Variants in KCNMB4 observed in about 807,000 individuals in gnomAD.
KCNMB4 encodes the protein potassium calcium-activated channel subfamily M regulatory beta subunit 4.
KCNMB4 carries 3 observed loss-of-function variants against 20.7 expected under a neutral mutation model. That is an observed-to-expected ratio of 0.14 (90% CI 0.07 to 0.37). The LOEUF (loss-of-function observed/expected upper bound fraction) is 0.37. KCNMB4 is among the 10% of genes least tolerant of loss of function. The probability of loss-of-function intolerance (pLI) is 1.00; values close to 1 mark genes in which losing one functional copy is unlikely to be tolerated. For synonymous variants in KCNMB4, 110 were observed against 113.4 expected (o/e 0.97, Z 0.19); for missense variants, 168 against 265.9 (o/e 0.63, Z 2.56).
intron 2 of KCNMB4, among the ~76,000 whole-genome samples, chr12:70,429,516 A>C (rs936436962): frequency 1.3e-5 from 2 of 151,946 alleles, no homozygotes; most frequent in Non-Finnish European, 2.9e-5. Context: ...AATACAAAAA[A>C]ATTAGCTGGA....
At chr12:70,370,107 G>C (rs573976997) in intron 1 of KCNMB4, among the ~76,000 whole-genome samples, 2 of 152,056 alleles carry the variant, frequency 1.3e-5, no homozygotes, top group African/African-American at 4.8e-5. Flanking sequence ...CTTGGGTGGG[G>C]CCTGGGCATT....
In KCNMB4 at chr12:70,432,661, G is replaced by C. The variant is rs961960498; in HGVS notation, c.*2008G>C. On this transcript the variant is annotated 3_prime_UTR_variant, in exon 3 of 3. Transcript: ENST00000258111. ...ACTATTTATGACATCTTTTGAGGCA[G>C]CTCCAGTGCCTTGACTTCAATCCCA... The C allele has an allele frequency of 6.6e-6, 1 of 152,214 alleles. No individual in the cohort carries two copies. Among genetic ancestry groups the C allele is most frequent in the African/African-American group, 2.4e-5 (1 of 41,454 alleles). 9.4% of individuals were successfully genotyped at this position (152,214 alleles called of 1,614,324 possible). A position where few individuals can be genotyped will look rare whatever the true frequency, so the allele number is the denominator to read the frequency against.
intron 2 of KCNMB4, among the ~76,000 whole-genome samples, chr12:70,405,362 A>T (rs1391385620): frequency 1.3e-5 from 2 of 152,250 alleles, no homozygotes; most frequent in East Asian, 3.8e-4. Flanking sequence ...ATAGACATCT[A>T]AATGGCTGAC....
intron 1 of KCNMB4, among the ~76,000 whole-genome samples, chr12:70,373,076 G>T (rs563928281): frequency 6.6e-6 from 1 of 152,184 alleles, no homozygotes; most frequent in African/African-American, 2.4e-5. Flanking sequence ...TGGGGGTAAG[G>T]CTGGAGAGTA....
At position 70,432,637 on chromosome 12, in the gene KCNMB4, C is replaced by T. The variant is rs1869399480; in HGVS notation, c.*1984C>T. 1 of 152,190 alleles carries T rather than the reference C, an allele frequency of 6.6e-6. No individual in the cohort carries two copies. Among genetic ancestry groups the T allele is most frequent in the Non-Finnish European group, 1.5e-5 (1 of 68,046 alleles). The allele number at this position is 152,190 out of a possible 1,614,324, so 9.4% of individuals were successfully genotyped here. On this transcript the variant is annotated 3_prime_UTR_variant, in exon 3 of 3. Coordinates refer to ENST00000258111, the MANE Select transcript of KCNMB4 (RefSeq NM_014505.6). ...CACTGTGAAAAAGGCCTTGAACACA[C>T]TATTTATGACATCTTTTGAGGCAGC...
At chr12:70,374,227 CTT>C (rs1027075297) in intron 1 of KCNMB4, among the ~76,000 whole-genome samples, 1 of 152,186 alleles carries the variant, frequency 6.6e-6, no homozygotes, top group African/African-American at 2.4e-5. Context: ...TGATCACAAA[CTT>C]GCCTCGTTAT....
intron 2 of KCNMB4, among the ~76,000 whole-genome samples, chr12:70,421,880 CT>C (rs34594277): frequency 0.25 from 33,549 of 136,736 alleles, 4,080 homozygotes; most frequent in East Asian, 0.39. Flanking sequence ...CATGCCTGGC[CT>C]TTTTTTTTTT....
At chr12:70,420,467 G>C (rs1461476790) in intron 2 of KCNMB4, among the ~76,000 whole-genome samples, 1 of 152,136 alleles carries the variant, frequency 6.6e-6, no homozygotes, top group Non-Finnish European at 1.5e-5. Context: ...AGATTAGAGT[G>C]ATGCCAGGGA....
Position 70,432,820 on chromosome 12 carries a change from A to G in KCNMB4, c.*2167A>G, listed in dbSNP as rs1279726676. The G allele has an allele frequency of 2.0e-5, 3 of 152,110 alleles. No individual in the cohort carries two copies. Among genetic ancestry groups the G allele is most frequent in the Non-Finnish European group, 4.4e-5 (3 of 68,028 alleles). The allele number at this position is 152,110 out of a possible 1,614,324, so 9.4% of individuals were successfully genotyped here. A position where few individuals can be genotyped will look rare whatever the true frequency, so the allele number is the denominator to read the frequency against. On this transcript the variant is annotated 3_prime_UTR_variant, in exon 3 of 3. Transcript: ENST00000258111. Reference sequence around the variant, plus strand: ...ATGGGAGACGAAGTCTGCTTTATCCATTTTATCTTTATTCAGTTGTCTATG... The same window carrying G: ...ATGGGAGACGAAGTCTGCTTTATCCGTTTTATCTTTATTCAGTTGTCTATG...
At chr12:70,374,946 G>A (rs906424551) in intron 1 of KCNMB4, among the ~76,000 whole-genome samples, 7 of 152,112 alleles carry the variant, frequency 4.6e-5, no homozygotes, top group Non-Finnish European at 1.0e-4. Flanking sequence ...ATTTATGATT[G>A]TCTTTATCCA....
intron 2 of KCNMB4, among the ~76,000 whole-genome samples, chr12:70,428,284 A>G (rs1019265718): frequency 4.6e-5 from 7 of 152,192 alleles, no homozygotes; most frequent in Non-Finnish European, 7.3e-5. Context: ...ATGAGCCACT[A>G]CGCCCAGCCA....
chr12:70,412,550 G>A (rs1354968000), intron 2 of KCNMB4, among the ~76,000 whole-genome samples: 1 of 152,096 alleles, frequency 6.6e-6, no homozygotes, highest in Non-Finnish European at 1.5e-5. Context: ...AAAACAGATT[G>A]AGCTCTAAAA....
intron 2 of KCNMB4, among the ~76,000 whole-genome samples, chr12:70,404,464 CAT>C (rs1369135781): frequency 6.6e-6 from 1 of 152,172 alleles, no homozygotes; most frequent in Non-Finnish European, 1.5e-5. Context: ...CCCCATTTAA[CAT>C]ATGAATAAAT....
At chr12:70,372,397 A>G (rs913401794) in intron 1 of KCNMB4, among the ~76,000 whole-genome samples, 3 of 152,232 alleles carry the variant, frequency 2.0e-5, no homozygotes, top group African/African-American at 4.8e-5. Context: ...ATGCACATGC[A>G]CACATTCTGA....
chr12:70,380,069 C>A (rs1023007634), intron 1 of KCNMB4, among the ~76,000 whole-genome samples: 1 of 152,208 alleles, frequency 6.6e-6, no homozygotes, highest in Admixed American at 6.5e-5. Context: ...ATGTGCTCTC[C>A]TCATTAAGCT....
At chr12:70,374,076 A>G (rs1272834317) in intron 1 of KCNMB4, among the ~76,000 whole-genome samples, 1 of 152,212 alleles carries the variant, frequency 6.6e-6, no homozygotes, top group Non-Finnish European at 1.5e-5. Flanking sequence ...CCATTTGTGG[A>G]TGTCATTTAT....
intron 2 of KCNMB4, among the ~76,000 whole-genome samples, chr12:70,415,975 G>A (rs1165205890): frequency 6.6e-6 from 1 of 152,192 alleles, no homozygotes; most frequent in Non-Finnish European, 1.5e-5. Flanking sequence ...TGGCTGAATG[G>A]AAGAGAGCTG....
rs1201039081 is a variant in KCNMB4 at position 70,400,333 on chromosome 12, A to G, written c.461A>G (p.Gln154Arg). The G allele has an allele frequency of 6.2e-7, 1 of 1,606,118 alleles. No homozygotes were observed. The highest frequency in any genetic ancestry group is 8.5e-7 in the Non-Finnish European group (1 of 1,177,894). ...TTTACTTGCTATTTTAATCAACATC[A>G]AAGGTAAGTCAATATTTGCATGTGC... Reference protein sequence around the residue: ...QPFTCYFNQHQRPDDVLLHRT... With the variant: ...QPFTCYFNQHRRPDDVLLHRT... The change falls in exon 2 of 3, where the codon CAA (glutamine) becomes CGA (arginine). Residue 154 changes from glutamine (Q) to arginine (R), a missense_variant. Gln to Arg is a conservative substitution (Grantham distance 43). Coordinates refer to ENST00000258111, the MANE Select transcript of KCNMB4 (RefSeq NM_014505.6).
At chr12:70,397,893 A>C (rs1440287047) in intron 1 of KCNMB4, among the ~76,000 whole-genome samples, 2 of 152,198 alleles carry the variant, frequency 1.3e-5, no homozygotes, top group African/African-American at 4.8e-5. Context: ...AGGCCTTCAC[A>C]CTTCACAGCT....
Sources: gnomAD v4.1 joint callset for allele counts (sites outside exome capture counted in the v4.1 genomes callset) on GRCh38, gnomAD v4.1.1 for gene constraint, MANE v1.5 for transcripts, NCBI Gene and HGNC (gene_info 2026-07-23, HGNC 2026-07-21) for gene names.